CORO7: variants seen among roughly 807,000 people sequenced by gnomAD.
CORO7 encodes the protein coronin 7.
A neutral mutation model predicts 126.6 loss-of-function variants in CORO7; 107 were observed. The observed-to-expected ratio is 0.85, with a 90% CI of 0.72 to 0.99. CORO7 has a LOEUF of 0.99. CORO7 is among the 50% of genes least tolerant of loss of function. CORO7 has a pLI of 0.00. For synonymous variants in CORO7, 603 were observed against 536.8 expected, an observed-to-expected ratio of 1.12 and a Z score of -1.70; for missense variants, 1,314 against 1,255.8, an observed-to-expected ratio of 1.05 and a Z score of -0.70.
intron 9 of CORO7, among the ~76,000 whole-genome samples, chr16:4,385,915 G>A (rs896527648): frequency 8.1e-4 from 124 of 152,238 alleles, no homozygotes; most frequent in African/African-American, 2.7e-3. Context: ...GGGTGGTGGA[G>A]TGGATGCAGT....
chr16:4,372,515 C>T (rs919236109), intron 9 of CORO7, among the ~76,000 whole-genome samples: 9 of 152,284 alleles, frequency 5.9e-5, no homozygotes, highest in African/African-American at 1.9e-4. Context: ...CGTCCGATGC[C>T]CATCCCTCCA....
rs776154582 is a variant in CORO7 at position 4,412,368 on chromosome 16, C to T, written c.220G>A (p.Gly74Ser). Residue 74 changes from glycine to serine, a missense_variant, in exon 3 of 28, where the codon GGC becomes AGC. Physicochemically the swap from Gly to Ser is moderately conservative, Grantham distance 56. Coordinates refer to ENST00000251166, the MANE Select transcript of CORO7 (RefSeq NM_024535.5). The part of the protein sequence containing the change: ...GEDKRRVAHL[G>S]CHSDLVTDLD... Reference sequence around the variant, plus strand: ...GACACCCACTCACCTGAATGGCAGCCCAGGTGGGCCACGCGTCGCTTGTCC... The same window carrying T: ...GACACCCACTCACCTGAATGGCAGCTCAGGTGGGCCACGCGTCGCTTGTCC... 28 of 1,614,080 alleles carry T rather than the reference C, an allele frequency of 1.7e-5. No individual in the cohort carries two copies. In the Admixed American group the frequency reaches 2.7e-4, roughly 15 times the overall value.
At chr16:4,374,196 TG>T (rs1315540080) in intron 9 of CORO7, among the ~76,000 whole-genome samples, 1 of 37,238 alleles carries the variant, frequency 2.7e-5, no homozygotes. Context: ...TGGGGGTGGG[TG>T]GGGGTGTTTG....
At chr16:4,415,796 T>C (rs1311917454) in intron 1 of CORO7, 6 of 984,674 alleles carry the variant, frequency 6.1e-6, no homozygotes, top group Non-Finnish European at 7.2e-6. Context: ...GTTTCGGGGG[T>C]CCGAAGGGTC....
chr16:4,414,865 T>C, intron 1 of CORO7, among the ~76,000 whole-genome samples: 1 of 152,096 alleles, frequency 6.6e-6, no homozygotes, highest in East Asian at 1.9e-4. Context: ...TTCTTGTTTG[T>C]TTTTTTCTTT....
At position 4,358,002 on chromosome 16, in the gene CORO7, C is replaced by A; in HGVS notation, c.2559G>T (p.Trp853Cys). ...TGTCAGGAGGCTGCAGGCTGAGAAG[C>A]CAGGGCTGCCCATTAGCGCCTTGCA... ...AWLQGANGQP[W>C]LLSLQPPDMS... is the part of the protein sequence containing the mutation. Residue 853 changes from tryptophan to cysteine, a missense_variant, in exon 25 of 28, where the codon TGG becomes TGT. Physicochemically the swap from Trp to Cys is radical, Grantham distance 215. Coordinates refer to ENST00000251166, the MANE Select transcript of CORO7 (RefSeq NM_024535.5). 2 of 1,611,524 alleles carry A rather than the reference C, an allele frequency of 1.2e-6. No homozygotes were observed. The highest frequency in any genetic ancestry group is 1.7e-4 in the Middle Eastern group (1 of 6,048).
rs79743988 is a variant in CORO7, at chr16:4,402,528, T to A, written c.564+2963A>T. ...TCCCAAAGTGCTGGGATGACAGGCG[T>A]GAGCCAGCGACCGGCCACCCGCCCA... On this transcript the variant is annotated intron_variant, in intron 6 of 27. Transcript: ENST00000251166. Among the ~76,000 whole-genome samples the A allele has an allele frequency of 2.9e-3, 437 of 152,334 alleles. 1 individual carries two copies. Among genetic ancestry groups the A allele is most frequent in the African/African-American group, 0.01 (420 of 41,592 alleles).
At chr16:4,383,825 G>A (rs531645189) in intron 9 of CORO7, among the ~76,000 whole-genome samples, 15 of 152,358 alleles carry the variant, frequency 9.8e-5, no homozygotes, top group African/African-American at 3.4e-4. Context: ...TGTGGCACAT[G>A]TGGGGCCAGG....
Position 4,362,200 on chromosome 16 carries a change from C to T in CORO7, c.1403-40G>A, listed in dbSNP as rs748185949. 2 of 1,575,928 alleles carry T rather than the reference C, an allele frequency of 1.3e-6. No individual in the cohort carries two copies. The highest frequency in any genetic ancestry group is 1.7e-6 in the Non-Finnish European group (2 of 1,160,944). On this transcript the variant is annotated intron_variant, in intron 15 of 27. Coordinates refer to ENST00000251166, the MANE Select transcript of CORO7 (RefSeq NM_024535.5). The surrounding 1 kb of genome is among the most constrained non-coding windows in gnomAD (Gnocchi z 5.3). ...GGACATGGAACCACGTGTGAGGATG[C>T]CGTCCCCGCCCGCCCTGCACTCTTT...
intron 9 of CORO7, chr16:4,382,883 C>T: frequency 6.5e-7 from 1 of 1,542,284 alleles, no homozygotes; most frequent in Non-Finnish European, 8.7e-7. Flanking sequence ...CCCCTCCACG[C>T]AAAGCCCTAC....
At chr16:4,363,382 T>C (rs1432892710) in intron 14 of CORO7, among the ~76,000 whole-genome samples, 1 of 149,832 alleles carries the variant, frequency 6.7e-6, no homozygotes, top group Non-Finnish European at 1.5e-5. Context: ...CTGGCCAACA[T>C]GGTGAAAACC....
At chr16:4,395,862 G>A (rs901613683) in intron 6 of CORO7, among the ~76,000 whole-genome samples, 2 of 152,132 alleles carry the variant, frequency 1.3e-5, no homozygotes, top group South Asian at 2.1e-4. Flanking sequence ...CCATCCATTC[G>A]GCAGTTATTG....
rs117709944 is a variant in CORO7 at position 4,394,134 on chromosome 16, C to T, written c.615+1155G>A. Among the ~76,000 whole-genome samples the T allele has an allele frequency of 2.7e-3, 416 of 151,708 alleles. 1 individual carries two copies. The highest frequency in any genetic ancestry group is 9.1e-3 in the African/African-American group (377 of 41,346). The stretch of plus-strand genomic sequence containing the variant: ...AAAAAAGAAATGTAAATCTACTCAT[C>T]GCACTTCCTGCTTAAAACTCCCTAA... On this transcript the variant is annotated intron_variant, in intron 7 of 27. Coordinates refer to ENST00000251166, the MANE Select transcript of CORO7 (RefSeq NM_024535.5).
intron 3 of CORO7, among the ~76,000 whole-genome samples, chr16:4,410,965 C>G (rs746140040): frequency 3.3e-5 from 5 of 152,244 alleles, no homozygotes; most frequent in Admixed American, 3.3e-4. Flanking sequence ...AGCAGATCAG[C>G]TGTTGCCTGA....
In CORO7 at chr16:4,408,327, G is replaced by A. The variant is rs142454018; in HGVS notation, c.233-76C>T. ...GTATGAAGCAAAGCCCAGGGCTTCC[G>A]AGGTGACACTTTTGTGTGCACACAG... On this transcript the variant is annotated intron_variant, in intron 3 of 27. Coordinates refer to ENST00000251166, the MANE Select transcript of CORO7 (RefSeq NM_024535.5). The A allele has an allele frequency of 1.9e-5, 30 of 1,597,906 alleles. No homozygotes were observed. The East Asian group carries it at 4.9e-4, about 26-fold the overall frequency.
intron 9 of CORO7, among the ~76,000 whole-genome samples, chr16:4,368,457 G>A (rs1308345117): frequency 6.6e-6 from 1 of 151,448 alleles, no homozygotes; most frequent in Admixed American, 6.6e-5. Context: ...AGGCTGCAGT[G>A]AGTCAAGATC....
At chr16:4,381,804 TG>T in intron 9 of CORO7, 1 of 1,600,496 alleles carries the variant, frequency 6.2e-7, no homozygotes, top group Non-Finnish European at 8.5e-7. Context: ...TGAGCTGGTT[TG>T]GCCCCTGGGT....
At chr16:4,401,708 C>T (rs1190020282) in intron 6 of CORO7, among the ~76,000 whole-genome samples, 1 of 152,048 alleles carries the variant, frequency 6.6e-6, no homozygotes, top group African/African-American at 2.4e-5. Flanking sequence ...ATACAGGGGA[C>T]AGCAGGAGAC....
intron 23 of CORO7, 106 bp from the exon 24 acceptor site, chr16:4,358,589 AG>A (rs1405803652): frequency 2.9e-6 from 3 of 1,052,554 alleles, no homozygotes; most frequent in Non-Finnish European, 4.1e-6. Context: ...CACCATGCCT[AG>A]GGCCTGTCCC....
Sources: allele counts gnomAD v4.1 joint callset (sites outside exome capture counted in the v4.1 genomes callset), GRCh38; gene constraint gnomAD v4.1.1; non-coding constraint Gnocchi (gnomAD v3.1); transcripts MANE v1.5; gene names NCBI Gene and HGNC (gene_info 2026-07-23, HGNC 2026-07-21).